The following C3orf22 variants were observed in gnomAD, a reference collection of about 807,000 sequenced individuals.
C3orf22 encodes the protein uncharacterized protein C3orf22.
Under a neutral mutation model 10.8 loss-of-function variants are expected in C3orf22, and 7 were observed. The ratio of observed to expected loss-of-function variants is 0.65; its 90% CI spans 0.37 to 1.22. The LOEUF (loss-of-function observed/expected upper bound fraction) is 1.22. C3orf22 is among the 50% of genes most tolerant of loss of function. C3orf22 has a pLI of 0.02. For synonymous variants in C3orf22, 79 were observed against 78.9 expected (o/e 1.00, Z 0.00); for missense variants, 173 against 177.0 (o/e 0.98, Z 0.13).
chr3:126,547,169 C>T (rs1937082400), downstream of C3orf22, among the ~76,000 whole-genome samples: 1 of 152,204 alleles, frequency 6.6e-6, no homozygotes, highest in Non-Finnish European at 1.5e-5. Context: ...AGCTTAAGGG[C>T]ACATGGGGAC....
rs761880288 is a variant in C3orf22, at chr3:126,549,789, C to T, written c.*79G>A. ...ATGGCCATGAAGGCTGATCCCTTTA[C>T]TAAAGTCTCTGTGGCTACTGCCCAG... On this transcript the variant is annotated 3_prime_UTR_variant, in exon 4 of 4. Transcript: ENST00000318225. The T allele has an allele frequency of 2.2e-5, 34 of 1,530,480 alleles. No homozygotes were observed. The highest frequency in any genetic ancestry group is 2.8e-5 in the Non-Finnish European group (32 of 1,139,478). 94.8% of individuals were successfully genotyped at this position (1,530,480 alleles called of 1,614,324 possible).
chr3:126,543,559 T>C (rs1339143166), intron 4 of C3orf22, among the ~76,000 whole-genome samples: 1 of 152,174 alleles, frequency 6.6e-6, no homozygotes, highest in Non-Finnish European at 1.5e-5. Flanking sequence ...TCTTTCACCC[T>C]GACCTGGGCC....
At chr3:126,556,867 TACACACAC>T (rs369889567) in intron 1 of C3orf22, among the ~76,000 whole-genome samples, 3 of 131,042 alleles carry the variant, frequency 2.3e-5, no homozygotes, top group East Asian at 2.3e-4. Context: ...CAGACTCACA[TACACACAC>T]ACACACAGAC....
At chr3:126,532,442 T>TGTATGTG (rs3029123) in intron 4 of C3orf22, among the ~76,000 whole-genome samples, 6,826 of 152,292 alleles carry the variant, frequency 0.045, 233 homozygotes, top group African/African-American at 0.095. Flanking sequence ...AGTTAGTTTT[T>TGTATGTG]GTATGTGGTA....
downstream of C3orf22, among the ~76,000 whole-genome samples, chr3:126,547,656 G>T (rs1937091600): frequency 6.6e-6 from 1 of 152,228 alleles, no homozygotes; most frequent in South Asian, 2.1e-4. Context: ...TATAGTGCAG[G>T]TGTGGACCAG....
At chr3:126,536,881 TCACACACACACACAAACA>T (rs1936804277) in intron 4 of C3orf22, among the ~76,000 whole-genome samples, 1 of 117,808 alleles carries the variant, frequency 8.5e-6, no homozygotes, top group African/African-American at 3.9e-5. Flanking sequence ...TCTCTCTTTC[TCACACACACACACAAACA>T]CACACACACA....
In C3orf22 at chr3:126,540,957, A is replaced by G. The variant is rs113058154; in HGVS notation, c.286+8580T>C. On this transcript the variant is annotated intron_variant and NMD_transcript_variant, in intron 4 of 5. Transcript: ENST00000505070. The stretch of plus-strand genomic sequence containing the variant: ...TCTTTTATGAACTCTTACACAAAAA[A>G]TCATAGGCAGGGGTGTTAATCTTGG... Among the ~76,000 whole-genome samples the G allele has an allele frequency of 1.6e-3, 238 of 152,352 alleles. 1 individual carries two copies. Among genetic ancestry groups the G allele is most frequent in the African/African-American group, 5.5e-3 (227 of 41,586 alleles).
At chr3:126,536,008 T>A (rs1404352068) in intron 4 of C3orf22, among the ~76,000 whole-genome samples, 1 of 152,142 alleles carries the variant, frequency 6.6e-6, no homozygotes, top group African/African-American at 2.4e-5. Flanking sequence ...TTCCCACTTG[T>A]CCCCTCTTGC....
chr3:126,554,298 C>G (rs1015486139), intron 1 of C3orf22, among the ~76,000 whole-genome samples: 1 of 148,078 alleles, frequency 6.8e-6, no homozygotes, highest in African/African-American at 2.5e-5. Flanking sequence ...AAGTCTCGCT[C>G]TCGTCCCCAG....
chr3:126,549,687 G>A (rs1233654641), downstream of C3orf22: 2 of 1,526,162 alleles, frequency 1.3e-6, no homozygotes, highest in East Asian at 4.9e-5. Flanking sequence ...CATTCCAGCT[G>A]GAAGTGGGGT....
intron 4 of C3orf22, among the ~76,000 whole-genome samples, chr3:126,539,984 G>GCATGACACACACA (rs1936919882): frequency 1.7e-5 from 1 of 59,298 alleles, no homozygotes; most frequent in Non-Finnish European, 3.6e-5. Flanking sequence ...TGCCACACAC[G>GCATGACACACACA]CATGACACAC....
intron 4 of C3orf22, among the ~76,000 whole-genome samples, chr3:126,535,601 G>A (rs1407163211): frequency 6.6e-6 from 1 of 151,844 alleles, no homozygotes; most frequent in East Asian, 1.9e-4. Context: ...TCGGGAGACA[G>A]CCGGACAGCA....
At chr3:126,548,712 C>G (rs149746028), downstream of C3orf22, among the ~76,000 whole-genome samples, 15 of 152,210 alleles carry the variant, frequency 9.9e-5, no homozygotes, top group African/African-American at 2.4e-4. Context: ...CAGTGCAGCC[C>G]GGTCACCCTT....
At chr3:126,556,962 ACAT>A in intron 1 of C3orf22, among the ~76,000 whole-genome samples, 2 of 151,698 alleles carry the variant, frequency 1.3e-5, no homozygotes, top group African/African-American at 4.8e-5. Context: ...ACACAGACAC[ACAT>A]AGATTCACAT....
At chr3:126,536,764 G>T (rs1266841587) in intron 4 of C3orf22, among the ~76,000 whole-genome samples, 1 of 151,532 alleles carries the variant, frequency 6.6e-6, no homozygotes, top group Non-Finnish European at 1.5e-5. Context: ...GGGCTGGCTG[G>T]CCCACACACC....
intron 4 of C3orf22, among the ~76,000 whole-genome samples, chr3:126,530,820 TG>T (rs1320600371): frequency 6.6e-6 from 1 of 152,244 alleles, no homozygotes; most frequent in East Asian, 1.9e-4. Context: ...GGCTGGTCAG[TG>T]GCCTGGAGAC....
In C3orf22 at chr3:126,552,041, G is replaced by C; in HGVS notation, c.171C>G (p.Pro57=). 1 of 1,613,658 alleles carries C rather than the reference G, an allele frequency of 6.2e-7. No individual in the cohort carries two copies. The highest frequency in any genetic ancestry group is 8.5e-7 in the Non-Finnish European group (1 of 1,179,816). Residue 57 remains proline (P), a synonymous_variant, in exon 3 of 4, where the codon CCC becomes CCG. Coordinates refer to ENST00000318225, the MANE Select transcript of C3orf22 (RefSeq NM_152533.3). ...VTNDSNTVQL[P]LQKRLVPTRS... ...TCGTTGGCACCAACCTCTTCTGCAG[G>C]GGCAGCTGCACCGTGTTCGAGTCGT...
At chr3:126,537,831 C>T (rs1936830352) in intron 4 of C3orf22, among the ~76,000 whole-genome samples, 1 of 152,250 alleles carries the variant, frequency 6.6e-6, no homozygotes, top group East Asian at 1.9e-4. Context: ...TTACGTCAAC[C>T]CATAAGGTGG....
intron 4 of C3orf22, chr3:126,542,416 C>A: frequency 1.9e-6 from 3 of 1,553,100 alleles, no homozygotes; most frequent in Non-Finnish European, 2.6e-6. Context: ...ACCTGAGCTT[C>A]CCTGGGCCGC....
Sources: allele counts gnomAD v4.1 joint callset (sites outside exome capture counted in the v4.1 genomes callset), GRCh38; gene constraint gnomAD v4.1.1; transcripts MANE v1.5; gene names NCBI Gene and HGNC (gene_info 2026-07-23, HGNC 2026-07-21).